Variants in CDHR1 observed in about 807,000 individuals in gnomAD.
CDHR1 encodes cadherin related family member 1.
In CDHR1, 61 loss-of-function variants were observed where a neutral mutation model predicts 72.1. The observed-to-expected ratio is 0.85, with a 90% confidence interval of 0.69 to 1.05. The LOEUF is 1.05. Among genes scored for constraint, CDHR1 ranks in the 50% least tolerant of loss-of-function variants. The pLI is 0.00. For missense variants in CDHR1, 1,186 were observed against 1,115.7 expected, an observed-to-expected ratio of 1.06 and a Z score of -0.90; for synonymous variants, 470 against 448.1, an observed-to-expected ratio of 1.05 and a Z score of -0.62.
Position 84,218,364 on chromosome 10 carries a change from G to C in CDHR1, c.*3743G>C. 1 of 985,426 alleles carries C rather than the reference G, an allele frequency of 1.0e-6. No homozygotes were observed. The allele number at this position is 985,426 out of a possible 1,614,324, so 61.0% of individuals were successfully genotyped here. On this transcript the variant is annotated 3_prime_UTR_variant, in exon 17 of 17. Coordinates refer to ENST00000623527, the MANE Select transcript of CDHR1 (RefSeq NM_033100.4). ...TTTGATGTTATAAAATCGTGCACAT[G>C]TACCCCTTTTGAGGCCTGAATGAGG...
In CDHR1 at chr10:84,216,290, A is replaced by G. The variant is rs955564168; in HGVS notation, c.*1669A>G. 3 of 985,402 alleles carry G rather than the reference A, an allele frequency of 3.0e-6. No homozygotes were observed. The highest frequency in any genetic ancestry group is 3.6e-6 in the Non-Finnish European group (3 of 829,976). The allele number at this position is 985,402 out of a possible 1,614,324, so 61.0% of individuals were successfully genotyped here. A position where few individuals can be genotyped will look rare whatever the true frequency, so the allele number is the denominator to read the frequency against. On this transcript the variant is annotated 3_prime_UTR_variant, in exon 17 of 17. Transcript: ENST00000623527. ...TTTGGAGGTGTTACTGAGATGTGCC[A>G]GTGTGCAGAATCCTTGCTGGGGTTT...
chr10:84,206,528 G>C (rs557510384), intron 10 of CDHR1, among the ~76,000 whole-genome samples: 1 of 152,046 alleles, frequency 6.6e-6, no homozygotes, highest in African/African-American at 2.4e-5. Flanking sequence ...TTTATTTTTC[G>C]CTGGGCCTGC....
chr10:84,218,410 T>G lies in CDHR1; in HGVS notation c.*3789T>G. ...TGAGGTTCGGTTATTTATTCATTTC[T>G]CAATAATTTACTCAGCCATTCCTAG... On this transcript the variant is annotated 3_prime_UTR_variant, in exon 17 of 17. Transcript: ENST00000623527. 2 of 985,478 alleles carry G rather than the reference T, an allele frequency of 2.0e-6. No individual in the cohort carries two copies. Among genetic ancestry groups the G allele is most frequent in the Non-Finnish European group, 2.4e-6 (2 of 829,948 alleles). The allele number at this position is 985,478 out of a possible 1,614,324, so 61.0% of individuals were successfully genotyped here.
chr10:84,200,257 T>G (rs1412760574), intron 5 of CDHR1, among the ~76,000 whole-genome samples: 1 of 152,240 alleles, frequency 6.6e-6, no homozygotes, highest in Non-Finnish European at 1.5e-5. Flanking sequence ...TCCCTGGTGA[T>G]CCTAAATATG....
At position 84,211,814 on chromosome 10, in the gene CDHR1, G is replaced by A. The variant is rs1194937596; in HGVS notation, c.1553+99G>A. ...GCAGAGGCAGGAGGGGCCTGGGAGGGACAGGAGCCTGGGTGAAGAGAAGTG... is the reference window on the plus strand; with the variant it reads ...GCAGAGGCAGGAGGGGCCTGGGAGGAACAGGAGCCTGGGTGAAGAGAAGTG... On this transcript the variant is annotated intron_variant, in intron 14 of 16. Transcript: ENST00000623527. The A allele has an allele frequency of 2.9e-6, 3 of 1,039,200 alleles. No individual in the cohort carries two copies. The South Asian group carries it at 3.8e-5, about 13-fold the overall frequency. 64.4% of individuals were successfully genotyped at this position (1,039,200 alleles called of 1,614,324 possible).
chr10:84,195,010 G>T (rs1842002238), intron 1 of CDHR1, among the ~76,000 whole-genome samples, 195 bp downstream of exon 1: 1 of 152,328 alleles, frequency 6.6e-6, no homozygotes, highest in African/African-American at 2.4e-5. Flanking sequence ...GTAGTGGGGA[G>T]CTCCGGGGCG....
intron 16 of CDHR1, among the ~76,000 whole-genome samples, chr10:84,213,787 A>G (rs1842379625): frequency 6.6e-6 from 1 of 152,196 alleles, no homozygotes; most frequent in African/African-American, 2.4e-5. Flanking sequence ...CAGCTAAAGC[A>G]GGAGTTCTGA....
downstream of CDHR1, chr10:84,218,993 C>A: frequency 1.8e-6 from 1 of 564,062 alleles, no homozygotes; most frequent in Non-Finnish European, 2.9e-6. Context: ...GTATAATTAC[C>A]AGAATAACCC....
rs7907675 is a variant in CDHR1, at chr10:84,215,015, G to A, written c.*394G>A. ...ATCCTTAGTCAAGCAGCAGGGCCCTGGCCACGTGGAGCAACACTGACTAGA... is the reference window on the plus strand; with the variant it reads ...ATCCTTAGTCAAGCAGCAGGGCCCTAGCCACGTGGAGCAACACTGACTAGA... On this transcript the variant is annotated 3_prime_UTR_variant, in exon 17 of 17. Transcript: ENST00000623527. 6,328 of 1,134,402 alleles carry A rather than the reference G, an allele frequency of 5.6e-3. 267 individuals are homozygous for A. The African/African-American group carries it at 0.09, about 16-fold the overall frequency. 70.3% of individuals were successfully genotyped at this position (1,134,402 alleles called of 1,614,324 possible). A position where few individuals can be genotyped will look rare whatever the true frequency, so the allele number is the denominator to read the frequency against.
chr10:84,195,272 G>A (rs1211054636), intron 1 of CDHR1, among the ~76,000 whole-genome samples: 1 of 152,208 alleles, frequency 6.6e-6, no homozygotes. Flanking sequence ...CACATGCTAC[G>A]TGTCCCTGAC....
At chr10:84,199,157 A>G in intron 5 of CDHR1, 36 bp downstream of exon 5, 1 of 1,525,986 alleles carries the variant, frequency 6.6e-7, no homozygotes, top group Non-Finnish European at 8.9e-7. Context: ...TGATTTTCCC[A>G]CCCAGGCCCA....
intron 12 of CDHR1, among the ~76,000 whole-genome samples, chr10:84,209,913 C>T (rs1054538967): frequency 5.9e-5 from 9 of 152,210 alleles, no homozygotes; most frequent in African/African-American, 2.2e-4. Flanking sequence ...AAAGTTCAAA[C>T]TCTCCTTAAG....
chr10:84,196,793 G>A (rs1842038283), intron 3 of CDHR1, 143 bp downstream of exon 3: 2 of 947,462 alleles, frequency 2.1e-6, no homozygotes, highest in African/African-American at 1.6e-5. Flanking sequence ...TCCACTCTGT[G>A]AGATCTCTGG....
intron 3 of CDHR1, among the ~76,000 whole-genome samples, 165 bp downstream of exon 3, chr10:84,196,815 T>C (rs1284248665): frequency 6.6e-6 from 1 of 152,212 alleles, no homozygotes; most frequent in Non-Finnish European, 1.5e-5. Context: ...CCACTTCCCA[T>C]CAGCAGAGTG....
At position 84,194,941 on chromosome 10, in the gene CDHR1, G is replaced by A. The variant is rs1842000683; in HGVS notation, c.55+126G>A. The stretch of plus-strand genomic sequence containing the variant: ...GAGTGGGACTCGGGCTGGTGGACGG[G>A]AGCGGAGAAGTCCTTCCATCTTCCT... On this transcript the variant is annotated intron_variant, in intron 1 of 16. Transcript: ENST00000623527. The A allele has an allele frequency of 8.7e-6, 8 of 920,180 alleles. No homozygotes were observed. The East Asian group carries it at 1.8e-4, about 21-fold the overall frequency. The allele number at this position is 920,180 out of a possible 1,614,324, so 57.0% of individuals were successfully genotyped here.
Position 84,201,890 on chromosome 10 carries a change from C to T in CDHR1, c.609C>T (p.Ser203=). ...GGGCCACTCTGGACTACGAGAGGTC[C>T]CGGACCCACTACATCACCGTGGTCG... ...QAGATLDYER[S]RTHYITVVAK... is the part of the protein sequence containing the mutation. The change falls in exon 7 of 17, where the codon TCC becomes TCT. Residue 203 remains serine (S), a synonymous_variant. Coordinates refer to ENST00000623527, the MANE Select transcript of CDHR1 (RefSeq NM_033100.4). The T allele has an allele frequency of 1.9e-6, 3 of 1,607,706 alleles. No individual in the cohort carries two copies. Among genetic ancestry groups the T allele is most frequent in the Non-Finnish European group, 2.5e-6 (3 of 1,179,956 alleles).
chr10:84,214,863 TC>T lies in CDHR1; in HGVS notation c.*246del. ...CTCTAGGATGCAATTGGCAAATACG[TC>T]CCCGTTACTCAAATCCTTGGCACTA... On this transcript the variant is annotated 3_prime_UTR_variant, in exon 17 of 17. Transcript: ENST00000623527. 1 of 1,446,084 alleles carries T rather than the reference TC, an allele frequency of 6.9e-7. No individual in the cohort carries two copies. The allele number at this position is 1,446,084 out of a possible 1,614,324, so 89.6% of individuals were successfully genotyped here.
chr10:84,218,152 A>C lies in CDHR1; in HGVS notation c.*3531A>C. Reference sequence around the variant, plus strand: ...GGGATGGAGAGGGAGAATGGAGAAGATGCCACATGAGGAATGAGGCAGGAG... The same window carrying C: ...GGGATGGAGAGGGAGAATGGAGAAGCTGCCACATGAGGAATGAGGCAGGAG... On this transcript the variant is annotated 3_prime_UTR_variant, in exon 17 of 17. Coordinates refer to ENST00000623527, the MANE Select transcript of CDHR1 (RefSeq NM_033100.4). 15 of 985,490 alleles carry C rather than the reference A, an allele frequency of 1.5e-5. No homozygotes were observed. The highest frequency in any genetic ancestry group is 8.7e-5 in the African/African-American group (5 of 57,384). 61.0% of individuals were successfully genotyped at this position (985,490 alleles called of 1,614,324 possible).
downstream of CDHR1, chr10:84,219,102 A>T (rs1381996786): frequency 3.1e-6 from 4 of 1,278,080 alleles, no homozygotes; most frequent in African/African-American, 6.0e-5. Flanking sequence ...GGTACATGAA[A>T]AATAGTAACT....
Sources: gnomAD v4.1 joint callset for allele counts (sites outside exome capture counted in the v4.1 genomes callset) on GRCh38, gnomAD v4.1.1 for gene constraint, MANE v1.5 for transcripts, NCBI Gene and HGNC (gene_info 2026-07-23, HGNC 2026-07-21) for gene names.